CACNA2D3: variants seen among roughly 807,000 people sequenced by gnomAD.
The protein encoded by CACNA2D3 is calcium voltage-gated channel auxiliary subunit alpha2delta 3.
CACNA2D3 carries 60 observed loss-of-function variants against 160.6 expected under a neutral mutation model. The observed-to-expected ratio is 0.37, with a 90% CI of 0.30 to 0.46. CACNA2D3 has a LOEUF of 0.46. Among genes scored for constraint, CACNA2D3 ranks in the 20% least tolerant of loss-of-function variants. CACNA2D3 has a pLI of 1.00. For missense variants in CACNA2D3, 1,205 were observed against 1,365.0 expected, an observed-to-expected ratio of 0.88 and a Z score of 1.85; for synonymous variants, 558 against 492.9, an observed-to-expected ratio of 1.13 and a Z score of -1.75.
chr3:54,217,786 G>A (rs994697716), intron 2 of CACNA2D3, among the ~76,000 whole-genome samples: 7 of 152,124 alleles, frequency 4.6e-5, no homozygotes. Context: ...GAGAGAATAA[G>A]TTTCTGTTGT....
In CACNA2D3 at chr3:54,764,182, T is replaced by C. The variant is rs902683272; in HGVS notation, c.1247-36T>C. 4 of 1,612,020 alleles carry C rather than the reference T, an allele frequency of 2.5e-6. No individual in the cohort carries two copies. The Admixed American group carries it at 6.7e-5, about 27-fold the overall frequency. On this transcript the variant is annotated intron_variant, in intron 12 of 37. Coordinates refer to ENST00000474759, the MANE Select transcript of CACNA2D3 (RefSeq NM_018398.3). ...ATTCCCAGTTGCAAGTCTTTCTGTCTGTTACTAAACTTGGCCCTCCCTTGG... is the reference window on the plus strand; with the variant it reads ...ATTCCCAGTTGCAAGTCTTTCTGTCCGTTACTAAACTTGGCCCTCCCTTGG...
At chr3:54,864,733 C>T (rs1469811773) in intron 17 of CACNA2D3, among the ~76,000 whole-genome samples, 2 of 152,172 alleles carry the variant, frequency 1.3e-5, no homozygotes, top group Non-Finnish European at 1.5e-5. Context: ...GTCCCATCAG[C>T]AGTTGCCACC....
intron 13 of CACNA2D3, among the ~76,000 whole-genome samples, chr3:54,804,919 A>G (rs994946775): frequency 2.0e-5 from 3 of 152,364 alleles, no homozygotes; most frequent in African/African-American, 7.2e-5. Flanking sequence ...GCTCAACTAC[A>G]TGGAAACTGA....
intron 2 of CACNA2D3, among the ~76,000 whole-genome samples, chr3:54,219,932 C>T (rs186159445): frequency 3.3e-5 from 5 of 152,154 alleles, no homozygotes; most frequent in African/African-American, 9.6e-5. Flanking sequence ...CCTTACTAAC[C>T]GAGAGATACT....
chr3:54,277,311 G>A (rs185615177), intron 2 of CACNA2D3, among the ~76,000 whole-genome samples: 3 of 152,318 alleles, frequency 2.0e-5, no homozygotes, highest in African/African-American at 7.2e-5. Context: ...TGTATACGAT[G>A]TCACGAAGGG....
chr3:54,384,403 C>A (rs1378790673), intron 3 of CACNA2D3, among the ~76,000 whole-genome samples: 1 of 152,138 alleles, frequency 6.6e-6, no homozygotes, highest in Non-Finnish European at 1.5e-5. Flanking sequence ...AAATCTGTTA[C>A]AAAGATTAAG....
chr3:54,766,940 A>AG (rs1702236252), intron 13 of CACNA2D3, among the ~76,000 whole-genome samples: 1 of 151,410 alleles, frequency 6.6e-6, no homozygotes, highest in Non-Finnish European at 1.5e-5. Context: ...TTACAAAAAA[A>AG]AAAAAGAAAA....
In CACNA2D3 at chr3:54,883,829, T is replaced by TCTCTCTCTCC. The variant is rs753661413; in HGVS notation, c.1913-1449_1913-1448insTCTCTCCCTC. On this transcript the variant is annotated intron_variant, in intron 21 of 37. Transcript: ENST00000474759. ...TCTCTCTCTCTCTCTCTCTCCTCTC[T>TCTCTCTCTCC]CTCCCTTCAACCCTCCTTATCTCTT... is the stretch of plus-strand genomic sequence containing the variant. Among the ~76,000 whole-genome samples the TCTCTCTCTCC allele has an allele frequency of 3.1e-3, 451 of 145,766 alleles. 5 individuals are homozygous for TCTCTCTCTCC. The highest frequency in any genetic ancestry group is 3.7e-3 in the Non-Finnish European group (251 of 67,012).
chr3:54,401,106 A>G (rs548978285), intron 4 of CACNA2D3, among the ~76,000 whole-genome samples: 15 of 152,228 alleles, frequency 9.9e-5, no homozygotes, highest in East Asian at 1.9e-4. Context: ...AATAAAAACT[A>G]TAATAGAAAA....
At chr3:55,066,165 G>C (rs1055729884) in intron 35 of CACNA2D3, among the ~76,000 whole-genome samples, 10 of 152,220 alleles carry the variant, frequency 6.6e-5, no homozygotes, top group African/African-American at 2.4e-4. Context: ...CCTCCAAGGA[G>C]AACAGGATCC....
chr3:54,716,302 AAG>A (rs1404734520), intron 11 of CACNA2D3, among the ~76,000 whole-genome samples: 1 of 152,162 alleles, frequency 6.6e-6, no homozygotes, highest in Non-Finnish European at 1.5e-5. Flanking sequence ...ACCCAGGAAA[AAG>A]AGACACAGGC....
chr3:54,666,889 G>C (rs188287652), intron 11 of CACNA2D3, among the ~76,000 whole-genome samples: 5 of 152,138 alleles, frequency 3.3e-5, no homozygotes, highest in African/African-American at 1.2e-4. Context: ...TGTCTGGCTC[G>C]TCACCTGGGG....
intron 4 of CACNA2D3, among the ~76,000 whole-genome samples, chr3:54,465,191 A>AT (rs1700598822): frequency 1.3e-5 from 2 of 151,250 alleles, no homozygotes; most frequent in African/African-American, 2.4e-5. Context: ...CATTTCCAAG[A>AT]TTTTTTTAAT....
At chr3:54,749,984 G>A (rs1215495170) in intron 11 of CACNA2D3, among the ~76,000 whole-genome samples, 1 of 152,184 alleles carries the variant, frequency 6.6e-6, no homozygotes, top group Non-Finnish European at 1.5e-5. Flanking sequence ...TGAGGTAGGG[G>A]ACATGGTGAT....
At chr3:55,008,888 TACACACACACACACACAC>T (rs4024588) in intron 33 of CACNA2D3, among the ~76,000 whole-genome samples, 1 of 142,902 alleles carries the variant, frequency 7.0e-6, no homozygotes, top group African/African-American at 2.6e-5. Flanking sequence ...CCTCCCTCTA[TACACACACACACACACAC>T]ACACACACAC....
intron 3 of CACNA2D3, among the ~76,000 whole-genome samples, chr3:54,333,134 T>C (rs1468267661): frequency 2.0e-5 from 3 of 150,322 alleles, no homozygotes; most frequent in Non-Finnish European, 4.4e-5. Flanking sequence ...AGACAAGGGG[T>C]TTTTTTTTCC....
At chr3:54,550,179 T>A (rs543502393) in intron 5 of CACNA2D3, among the ~76,000 whole-genome samples, 3 of 152,328 alleles carry the variant, frequency 2.0e-5, no homozygotes, top group African/African-American at 7.2e-5. Flanking sequence ...TTGGCTTTAC[T>A]TTATGAGGAG....
chr3:54,631,497 C>A (rs1699237277), intron 10 of CACNA2D3, among the ~76,000 whole-genome samples: 2 of 152,050 alleles, frequency 1.3e-5, no homozygotes, highest in African/African-American at 2.4e-5. Flanking sequence ...CCTGCCTTTA[C>A]AAGTCAATAT....
chr3:54,359,806 A>C (rs1362657118), intron 3 of CACNA2D3, among the ~76,000 whole-genome samples: 1 of 152,142 alleles, frequency 6.6e-6, no homozygotes, highest in Non-Finnish European at 1.5e-5. Context: ...GTTTGATGTA[A>C]ATCATCCATG....
Sources: gnomAD v4.1 joint callset for allele counts (sites outside exome capture counted in the v4.1 genomes callset) on GRCh38, gnomAD v4.1.1 for gene constraint, MANE v1.5 for transcripts, NCBI Gene and HGNC (gene_info 2026-07-23, HGNC 2026-07-21) for gene names.